SRBD1: variants seen among roughly 807,000 people sequenced by gnomAD.
SRBD1 encodes the protein S1 RNA-binding domain-containing protein 1.
In SRBD1, 88 loss-of-function variants were observed where a neutral mutation model predicts 115.3. The observed-to-expected ratio is 0.76, with a 90% CI of 0.64 to 0.91. The LOEUF (loss-of-function observed/expected upper bound fraction) is 0.91, where lower values mean the gene tolerates loss of function less well. SRBD1 is among the 40% of genes least tolerant of loss of function. The pLI, the probability that SRBD1 is intolerant of heterozygous loss-of-function variation, is 0.00. For missense variants in SRBD1, 1,385 were observed against 1,177.4 expected (o/e 1.18, Z -2.58); for synonymous variants, 509 against 407.7 (o/e 1.25, Z -2.99).
chr2:45,447,821 T>C (rs1668873366), intron 16 of SRBD1: 1 of 152,202 alleles, frequency 6.6e-6, no homozygotes, highest in African/African-American at 2.4e-5. Flanking sequence ...TTTAAGCTAA[T>C]ATAATTTTAT....
chr2:45,564,290 G>C (rs1672758802), intron 9 of SRBD1, among the ~76,000 whole-genome samples: 1 of 152,126 alleles, frequency 6.6e-6, no homozygotes, highest in Non-Finnish European at 1.5e-5. Context: ...TATAAGGAAA[G>C]TTCTTTAATA....
At chr2:45,474,251 G>A (rs57072359) in intron 16 of SRBD1, among the ~76,000 whole-genome samples, 52,276 of 152,060 alleles carry the variant, frequency 0.34, 10,011 homozygotes, top group Non-Finnish European at 0.44. Flanking sequence ...TATTAAGTTT[G>A]GTGCCTCATT....
intron 7 of SRBD1, among the ~76,000 whole-genome samples, chr2:45,575,293 T>C (rs1256424183): frequency 6.6e-6 from 1 of 152,256 alleles, no homozygotes; most frequent in Non-Finnish European, 1.5e-5. Flanking sequence ...CAGTTGTTCC[T>C]CTTCACAGTT....
intron 4 of SRBD1, among the ~76,000 whole-genome samples, chr2:45,587,300 A>C (rs949323567): frequency 1.3e-5 from 2 of 148,332 alleles, no homozygotes; most frequent in Non-Finnish European, 3.0e-5. Context: ...AATATTTACA[A>C]TAATATTAAA....
At chr2:45,421,149 A>T (rs1449440534) in intron 16 of SRBD1, among the ~76,000 whole-genome samples, 1 of 152,232 alleles carries the variant, frequency 6.6e-6, no homozygotes. Context: ...GATTTACCAC[A>T]GGGACAACAG....
chr2:45,500,130 T>C (rs770740754), intron 14 of SRBD1, among the ~76,000 whole-genome samples: 1 of 152,184 alleles, frequency 6.6e-6, no homozygotes, highest in Non-Finnish European at 1.5e-5. Context: ...TCTAGGAGCA[T>C]GGAATATTAT....
intron 15 of SRBD1, among the ~76,000 whole-genome samples, chr2:45,484,839 G>A (rs1046119377): frequency 2.6e-5 from 4 of 152,168 alleles, no homozygotes; most frequent in Non-Finnish European, 5.9e-5. Context: ...CATACAATAT[G>A]TAGTCTTTTG....
intron 16 of SRBD1, among the ~76,000 whole-genome samples, chr2:45,457,764 T>C (rs1669198539): frequency 6.6e-6 from 1 of 152,050 alleles, no homozygotes; most frequent in South Asian, 2.1e-4. Context: ...TTGGGAGCTG[T>C]TGACTTCAAG....
intron 9 of SRBD1, 112 bp from the exon 10 acceptor site, chr2:45,562,868 T>C: frequency 1.6e-6 from 1 of 622,008 alleles, no homozygotes. Context: ...TAAACAAGAA[T>C]ACATTTTAAA....
At chr2:45,472,724 C>G (rs990862258) in intron 16 of SRBD1, among the ~76,000 whole-genome samples, 1 of 152,186 alleles carries the variant, frequency 6.6e-6, no homozygotes, top group African/African-American at 2.4e-5. Context: ...TTTGTCTCAT[C>G]TAATTTTTAG....
At chr2:45,530,081 T>C (rs1010433989) in intron 14 of SRBD1, among the ~76,000 whole-genome samples, 9 of 152,062 alleles carry the variant, frequency 5.9e-5, no homozygotes, top group African/African-American at 1.4e-4. Flanking sequence ...AAACTTCTTA[T>C]GTAGTCCTAG....
chr2:45,599,271 T>C (rs1208707180), intron 4 of SRBD1, among the ~76,000 whole-genome samples, 178 bp downstream of exon 4: 1 of 152,160 alleles, frequency 6.6e-6, no homozygotes, highest in Non-Finnish European at 1.5e-5. Context: ...GATGATTAGC[T>C]ACAACACAAA....
intron 16 of SRBD1, among the ~76,000 whole-genome samples, chr2:45,436,347 A>G (rs1668497990): frequency 1.3e-5 from 2 of 152,206 alleles, no homozygotes; most frequent in Non-Finnish European, 2.9e-5. Flanking sequence ...CTAAGATCAG[A>G]AACAAGACAA....
At chr2:45,602,246 C>T (rs1674118262) in intron 2 of SRBD1, among the ~76,000 whole-genome samples, 163 bp from the exon 3 acceptor site, 1 of 152,058 alleles carries the variant, frequency 6.6e-6, no homozygotes, top group Non-Finnish European at 1.5e-5. Flanking sequence ...AGAATTGAAC[C>T]AACAGAGTTG....
At chr2:45,474,933 A>T (rs1021163337) in intron 16 of SRBD1, among the ~76,000 whole-genome samples, 3 of 152,192 alleles carry the variant, frequency 2.0e-5, no homozygotes, top group Non-Finnish European at 4.4e-5. Flanking sequence ...TGATGATGGT[A>T]GTGTAATTAA....
chr2:45,579,530 T>A (rs192416253), intron 7 of SRBD1, among the ~76,000 whole-genome samples: 2 of 151,996 alleles, frequency 1.3e-5, no homozygotes, highest in South Asian at 4.2e-4. Context: ...ACTCAACTAA[T>A]ACCTATTTAT....
chr2:45,550,688 T>C (rs1672268356), intron 12 of SRBD1, among the ~76,000 whole-genome samples: 1 of 151,810 alleles, frequency 6.6e-6, no homozygotes, highest in Admixed American at 6.6e-5. Context: ...TGATCTCAAA[T>C]GGAAGCACGG....
In SRBD1 at chr2:45,459,043, T is replaced by C. The variant is rs1669235931; in HGVS notation, c.2049+17950A>G. 2.0e-5 allele frequency among the ~76,000 whole-genome samples: 3 copies of C among 152,212 alleles called. No individual in the cohort carries two copies. In the South Asian group the frequency reaches 6.2e-4, roughly 32 times the overall value. On this transcript the variant is annotated intron_variant, in intron 16 of 20. Coordinates refer to ENST00000263736, the MANE Select transcript of SRBD1 (RefSeq NM_018079.5). Reference sequence around the variant, plus strand: ...TTATTGCCAACCGATAACCAGATCATGCATCCCAACAAACTACAGAGTTTG... The same window carrying C: ...TTATTGCCAACCGATAACCAGATCACGCATCCCAACAAACTACAGAGTTTG...
intron 10 of SRBD1, 125 bp from the exon 11 acceptor site, chr2:45,553,855 T>C (rs1453667577): frequency 8.2e-6 from 4 of 485,148 alleles, no homozygotes; most frequent in Non-Finnish European, 1.5e-5. Flanking sequence ...CAAAGTAACA[T>C]AATCTGTGAG....
Sources: gnomAD v4.1 joint callset for allele counts (sites outside exome capture counted in the v4.1 genomes callset) on GRCh38, gnomAD v4.1.1 for gene constraint, MANE v1.5 for transcripts, NCBI Gene and HGNC (gene_info 2026-07-23, HGNC 2026-07-21) for gene names.